HAUS2: variants seen among roughly 807,000 people sequenced by gnomAD.
The protein encoded by HAUS2 is HAUS augmin-like complex subunit 2.
HAUS2 carries 20 observed loss-of-function variants against 21.6 expected under a neutral mutation model. The ratio of observed to expected loss-of-function variants is 0.93; its 90% CI spans 0.65 to 1.35. The LOEUF is 1.35. Among genes scored for constraint, HAUS2 ranks in the 40% most tolerant of loss-of-function variants. The probability of loss-of-function intolerance (pLI) is 0.00; values close to 1 mark genes in which losing one functional copy is unlikely to be tolerated. For missense variants in HAUS2, 297 were observed against 280.7 expected (o/e 1.06, Z -0.42); for synonymous variants, 113 against 95.6 (o/e 1.18, Z -1.06).
chr15:42,557,043 G>A (rs956824792), intron 1 of HAUS2, among the ~76,000 whole-genome samples: 3 of 150,492 alleles, frequency 2.0e-5, no homozygotes, highest in Middle Eastern at 3.4e-3. Flanking sequence ...AAACTCAGTC[G>A]GTGGCTCACG....
Position 42,555,265 on chromosome 15 carries a change from C to T in HAUS2, c.94-2933C>T, listed in dbSNP as rs537387790. On this transcript the variant is annotated intron_variant, in intron 1 of 5. Transcript: ENST00000260372. ...CCTCCCAAAGTGCTGGGATTACAGCCGTGAGCCACGGCGCCCGGCTGCCTG... is the reference window on the plus strand; with the variant it reads ...CCTCCCAAAGTGCTGGGATTACAGCTGTGAGCCACGGCGCCCGGCTGCCTG... 4.0e-5 allele frequency among the ~76,000 whole-genome samples: 6 copies of T among 151,884 alleles called. No individual in the cohort carries two copies. In the South Asian group the frequency reaches 6.3e-4, roughly 16 times the overall value.
chr15:42,548,901 C>G lies in HAUS2; in HGVS notation c.29C>G (p.Ala10Gly). 6.4e-7 allele frequency: 1 copy of G among 1,550,796 alleles called. No individual in the cohort carries two copies. The highest frequency in any genetic ancestry group is 8.7e-7 in the Non-Finnish European group (1 of 1,146,858). ...GCCGCTGCCAACCCGTGGGACCCGG[C>G]GTCCGCGCCTAACGGCGCTGGGCTA... MAAANPWDPASAPNGAGLVL... is the reference protein window; with the variant it reads MAAANPWDPGSAPNGAGLVL... Residue 10 changes from alanine to glycine, a missense_variant, in exon 1 of 6, where the codon GCG becomes GGG. Transcript: ENST00000260372.
chr15:42,559,495 A>C, intron 3 of HAUS2, 87 bp downstream of exon 3: 1 of 756,664 alleles, frequency 1.3e-6, no homozygotes, highest in Non-Finnish European at 2.4e-6. Context: ...TCAAATTATG[A>C]TACACCATCA....
At chr15:42,556,370 T>C (rs1595549057) in intron 1 of HAUS2, among the ~76,000 whole-genome samples, 3 of 146,658 alleles carry the variant, frequency 2.0e-5, no homozygotes, top group Admixed American at 6.9e-5. Flanking sequence ...CTCAAGCAAT[T>C]CTCCTGCCTC....
intron 1 of HAUS2, among the ~76,000 whole-genome samples, chr15:42,550,044 A>G (rs542768197): frequency 6.6e-6 from 1 of 152,232 alleles, no homozygotes; most frequent in African/African-American, 2.4e-5. Context: ...ATTTTGATAT[A>G]TAGAGGAAGT....
intron 2 of HAUS2, 98 bp from the exon 3 acceptor site, chr15:42,559,241 T>A: frequency 4.4e-6 from 3 of 684,166 alleles, no homozygotes; most frequent in Admixed American, 2.0e-5. Flanking sequence ...TCCACCTGCC[T>A]CAGCCTCCCA....
chr15:42,556,008 G>A (rs1489968281), intron 1 of HAUS2, among the ~76,000 whole-genome samples: 5 of 151,656 alleles, frequency 3.3e-5, no homozygotes, highest in African/African-American at 7.3e-5. Context: ...GTGCAGTGGC[G>A]CGATCTCGGC....
intron 5 of HAUS2, among the ~76,000 whole-genome samples, chr15:42,564,124 G>T (rs1393369687): frequency 6.6e-6 from 1 of 151,876 alleles, no homozygotes; most frequent in African/African-American, 2.4e-5. Context: ...AAATTAGCTG[G>T]GCATGGTGGT....
chr15:42,550,611 A>T (rs1220911087), intron 1 of HAUS2, among the ~76,000 whole-genome samples: 2 of 152,160 alleles, frequency 1.3e-5, no homozygotes, highest in African/African-American at 4.8e-5. Context: ...CTAGTTGACT[A>T]ACTTTACCAG....
chr15:42,551,429 T>G (rs1393224331), intron 1 of HAUS2, among the ~76,000 whole-genome samples: 1 of 151,842 alleles, frequency 6.6e-6, no homozygotes, highest in Non-Finnish European at 1.5e-5. Flanking sequence ...TCACCTGAGG[T>G]CAGGAGTTTG....
intron 1 of HAUS2, among the ~76,000 whole-genome samples, chr15:42,551,596 G>A (rs993215668): frequency 3.3e-5 from 5 of 152,038 alleles, no homozygotes; most frequent in African/African-American, 7.2e-5. Context: ...AGCAAAGATC[G>A]TGCCACTGCA....
rs979969452 is a variant in HAUS2 at position 42,568,949 on chromosome 15, TCTC to T, written c.*2136_*2138del. On this transcript the variant is annotated 3_prime_UTR_variant, in exon 6 of 6. Coordinates refer to ENST00000260372, the MANE Select transcript of HAUS2 (RefSeq NM_018097.3). ...TGATGATATGCTGAGTCTTGTGAAT[TCTC>T]CTAGCAAATCATGGAACCTGGAGGT... 2 of 152,184 alleles carry T rather than the reference TCTC, an allele frequency of 1.3e-5. No homozygotes were observed. The highest frequency in any genetic ancestry group is 6.5e-5 in the Admixed American group (1 of 15,268). The allele number at this position is 152,184 out of a possible 1,614,324, so 9.4% of individuals were successfully genotyped here. A position where few individuals can be genotyped will look rare whatever the true frequency, so the allele number is the denominator to read the frequency against.
intron 1 of HAUS2, among the ~76,000 whole-genome samples, chr15:42,553,091 A>G (rs796096330): frequency 5.9e-5 from 9 of 151,838 alleles, no homozygotes; most frequent in East Asian, 1.9e-4. Flanking sequence ...GGTTCAAGCA[A>G]TGCTCCTGCC....
In HAUS2 at chr15:42,566,881, CATGGGT is replaced by C; in HGVS notation, c.*68_*73del. 8 of 766,558 alleles carry C rather than the reference CATGGGT, an allele frequency of 1.0e-5. No individual in the cohort carries two copies. The highest frequency in any genetic ancestry group is 2.1e-5 in the Admixed American group (1 of 48,630). 47.5% of individuals were successfully genotyped at this position (766,558 alleles called of 1,614,324 possible). A position where few individuals can be genotyped will look rare whatever the true frequency, so the allele number is the denominator to read the frequency against. On this transcript the variant is annotated 3_prime_UTR_variant, in exon 6 of 6. Transcript: ENST00000260372. ...GAAGTCTATTTCTAGTTGACTGTAA[CATGGGT>C]ATTAATAGTCTTTGCTGCTGGTAAT...
rs915472172 is a variant in HAUS2, at chr15:42,569,963, T to C, written c.*3147T>C. 6.6e-6 allele frequency: 1 copy of C among 152,210 alleles called. No homozygotes were observed. Among genetic ancestry groups the C allele is most frequent in the African/African-American group, 2.4e-5 (1 of 41,452 alleles). 9.4% of individuals were successfully genotyped at this position (152,210 alleles called of 1,614,324 possible). On this transcript the variant is annotated 3_prime_UTR_variant, in exon 6 of 6. Coordinates refer to ENST00000260372, the MANE Select transcript of HAUS2 (RefSeq NM_018097.3). The stretch of plus-strand genomic sequence containing the variant: ...GTTTTCTATTATGCCTTTTTCAAAA[T>C]ATAAAAATAAACTTGTAATTTCTAA...
intron 1 of HAUS2, among the ~76,000 whole-genome samples, chr15:42,551,426 A>G (rs1317648994): frequency 6.6e-6 from 1 of 151,870 alleles, no homozygotes; most frequent in African/African-American, 2.4e-5. Context: ...GGATCACCTG[A>G]GGTCAGGAGT....
intron 2 of HAUS2, 67 bp downstream of exon 2, chr15:42,558,357 G>A (rs1280438263): frequency 8.6e-6 from 5 of 583,254 alleles, no homozygotes; most frequent in Non-Finnish European, 1.4e-5. Context: ...GTCTTGCTCT[G>A]TCACGCAGGC....
Position 42,559,376 on chromosome 15 carries a change from AT to A in HAUS2, c.225del (p.Asp75GlufsTer21). 6.2e-7 allele frequency: 1 copy of A among 1,606,190 alleles called. No homozygotes were observed. Among genetic ancestry groups the A allele is most frequent in the Non-Finnish European group, 8.5e-7 (1 of 1,172,782 alleles). ...ATTGAACTCCTGAAACTAGAAAAAG[AT>A]ACAGCAGATGTTGTTCATCCTTTCT... is the stretch of plus-strand genomic sequence containing the variant. ...LEIELLKLEK[D>X]TADVVHPFFL... is the part of the protein sequence containing the mutation. On this transcript the variant is annotated frameshift_variant, in exon 3 of 6. Transcript: ENST00000260372. LOFTEE classifies it high-confidence loss of function.
At chr15:42,550,631 C>T (rs1332931774) in intron 1 of HAUS2, among the ~76,000 whole-genome samples, 3 of 152,192 alleles carry the variant, frequency 2.0e-5, no homozygotes, top group Admixed American at 2.0e-4. Context: ...GGAGTGACCA[C>T]AGCACTCTAC....
Sources: allele counts gnomAD v4.1 joint callset (sites outside exome capture counted in the v4.1 genomes callset), GRCh38; gene constraint gnomAD v4.1.1; transcripts MANE v1.5; gene names NCBI Gene and HGNC (gene_info 2026-07-23, HGNC 2026-07-21).